Variants in LINGO1 observed in about 807,000 individuals in gnomAD.
The protein encoded by LINGO1 is leucine rich repeat and Ig domain containing 1, also known as leucine-rich repeat and immunoglobulin-like domain-containing nogo receptor-interacting protein 1.
In LINGO1, 11 loss-of-function variants were observed where a neutral mutation model predicts 37.3. That is an observed-to-expected ratio of 0.29 (90% CI 0.19 to 0.49). LINGO1 has a LOEUF of 0.49. Ranked by LOEUF, LINGO1 falls within the 20% of genes least tolerant of loss-of-function variation. The probability of loss-of-function intolerance (pLI) is 0.99; values close to 1 mark genes in which losing one functional copy is unlikely to be tolerated. For synonymous variants in LINGO1, 387 were observed against 403.0 expected, an observed-to-expected ratio of 0.96 and a Z score of 0.48; for missense variants, 585 against 878.2, an observed-to-expected ratio of 0.67 and a Z score of 4.22.
rs778621429 is a variant in LINGO1 at position 77,615,295 on chromosome 15, G to A, written c.612C>T (p.Thr204=). ...EQLTLEKCNL[T]SIPTEALSHL... The stretch of plus-strand genomic sequence containing the variant: ...GGGACAGCGCCTCGGTGGGGATGGA[G>A]GTCAGGTTGCATTTCTCCAGCGTCA... Residue 204 remains threonine, a synonymous_variant, in exon 2 of 2, where the codon ACC becomes ACT. Transcript: ENST00000355300. 5 of 1,613,340 alleles carry A rather than the reference G, an allele frequency of 3.1e-6. No individual in the cohort carries two copies. In the African/African-American group the frequency reaches 5.3e-5, roughly 17 times the overall value.
At chr15:77,679,752 T>C (rs549877493) in intron 2 of LINGO1, among the ~76,000 whole-genome samples, 2 of 152,332 alleles carry the variant, frequency 1.3e-5, no homozygotes, top group African/African-American at 4.8e-5. Context: ...TTGTAAACTC[T>C]GTATCTGGAA....
At chr15:77,754,909 G>T (rs1365764584) in intron 1 of LINGO1, among the ~76,000 whole-genome samples, 1 of 152,232 alleles carries the variant, frequency 6.6e-6, no homozygotes, top group African/African-American at 2.4e-5. Context: ...TATAAGATGG[G>T]GCCTGGTGGT....
At chr15:77,643,256 C>A (rs1039518751) in intron 3 of LINGO1, among the ~76,000 whole-genome samples, 1 of 152,198 alleles carries the variant, frequency 6.6e-6, no homozygotes, top group African/African-American at 2.4e-5. Context: ...GTGCTGGGAG[C>A]AGGACGGCTG....
At chr15:77,648,582 C>A (rs1279474212) in intron 3 of LINGO1, 1 of 152,328 alleles carries the variant, frequency 6.6e-6, no homozygotes, top group African/African-American at 2.4e-5. Flanking sequence ...CAGGACCCAG[C>A]CTGATCCTGG....
At chr15:77,757,737 G>A (rs982730863) in intron 1 of LINGO1, among the ~76,000 whole-genome samples, 41 of 152,198 alleles carry the variant, frequency 2.7e-4, no homozygotes, top group African/African-American at 8.9e-4. Flanking sequence ...AGATGGAAGA[G>A]GAGGAGGAGA....
intron 2 of LINGO1, among the ~76,000 whole-genome samples, chr15:77,792,505 C>T (rs1352552184): frequency 6.6e-6 from 1 of 152,250 alleles, no homozygotes; most frequent in Non-Finnish European, 1.5e-5. Context: ...GCTCCAAGCC[C>T]ATCCAGAGCT....
At chr15:77,775,911 G>A (rs957358455) in intron 1 of LINGO1, among the ~76,000 whole-genome samples, 5 of 152,030 alleles carry the variant, frequency 3.3e-5, no homozygotes, top group Admixed American at 6.6e-5. Flanking sequence ...TCGTTCCTCC[G>A]TCAGCATCCC....
intron 3 of LINGO1, chr15:77,646,481 C>T (rs1045507016): frequency 1.5e-4 from 70 of 455,606 alleles, no homozygotes; most frequent in African/African-American, 1.2e-3. Flanking sequence ...AAAGTAAGAG[C>T]TTCTTCCCTC....
intron 3 of LINGO1, among the ~76,000 whole-genome samples, chr15:77,674,090 G>A (rs2075292361): frequency 6.6e-6 from 1 of 151,860 alleles, no homozygotes; most frequent in South Asian, 2.1e-4. Flanking sequence ...GCTCCTCTCC[G>A]ATCTCCCCAT....
At chr15:77,814,646 C>T (rs2077033863) in intron 1 of LINGO1, among the ~76,000 whole-genome samples, 1 of 152,192 alleles carries the variant, frequency 6.6e-6, no homozygotes, top group African/African-American at 2.4e-5. Context: ...GCATGACACC[C>T]ATGAGGAAAG....
intron 1 of LINGO1, among the ~76,000 whole-genome samples, chr15:77,811,065 A>AC (rs2077001733): frequency 8.8e-6 from 1 of 114,028 alleles, no homozygotes; most frequent in Non-Finnish European, 1.8e-5. Flanking sequence ...CAAGCCCCCA[A>AC]CACCCCCCCA....
chr15:77,630,407 C>T (rs1176589102), intron 1 of LINGO1, among the ~76,000 whole-genome samples: 1 of 152,180 alleles, frequency 6.6e-6, no homozygotes, highest in Non-Finnish European at 1.5e-5. Context: ...GCAGAACAAC[C>T]ACCCACCTCC....
intron 2 of LINGO1, among the ~76,000 whole-genome samples, chr15:77,792,150 T>C (rs2076823147): frequency 6.6e-6 from 1 of 152,078 alleles, no homozygotes; most frequent in Non-Finnish European, 1.5e-5. Flanking sequence ...ATCTTGCTTC[T>C]CCCTCCAAAC....
intron 1 of LINGO1, among the ~76,000 whole-genome samples, chr15:77,809,335 G>A (rs544869658): frequency 2.0e-5 from 3 of 152,214 alleles, no homozygotes; most frequent in Non-Finnish European, 2.9e-5. Flanking sequence ...AGCGGGATCC[G>A]GGGAAGCCAG....
rs116621920 is a variant in LINGO1, at chr15:77,726,434, A to G, written c.-195+8558T>C. Among the ~76,000 whole-genome samples the G allele has an allele frequency of 7.5e-3, 1,148 of 152,372 alleles. 17 individuals are homozygous for G. The highest frequency in any genetic ancestry group is 0.026 in the African/African-American group (1,100 of 41,592). ...AGAGCAATAGGCATCATCAGGAAGA[A>G]GGAGCACAAGTCCTGTCCTCATTAG... is the stretch of plus-strand genomic sequence containing the variant. On this transcript the variant is annotated intron_variant, in intron 2 of 3. Coordinates refer to the LINGO1 transcript ENST00000561686.
Position 77,661,195 on chromosome 15 carries a change from A to G in LINGO1, c.-13+15894T>C, listed in dbSNP as rs561253421. Among the ~76,000 whole-genome samples the G allele has an allele frequency of 5.3e-5, 8 of 152,262 alleles. No individual in the cohort carries two copies. The South Asian group carries it at 1.7e-3, about 32-fold the overall frequency. On this transcript the variant is annotated intron_variant, in intron 3 of 3. Transcript: ENST00000559893. ...GGACAGTGCCTGAGCCCCCAGACCCACCCCACACCAAGAAGGCAGAGGGAC... is the reference window on the plus strand; with the variant it reads ...GGACAGTGCCTGAGCCCCCAGACCCGCCCCACACCAAGAAGGCAGAGGGAC...
chr15:77,632,269 G>T lies in LINGO1; in HGVS notation c.6+41C>A. 1.4e-6 allele frequency: 2 copies of T among 1,390,640 alleles called. No individual in the cohort carries two copies. The highest frequency in any genetic ancestry group is 3.0e-5 in the Admixed American group (1 of 33,198). The allele number at this position is 1,390,640 out of a possible 1,614,324, so 86.1% of individuals were successfully genotyped here. A position where few individuals can be genotyped will look rare whatever the true frequency, so the allele number is the denominator to read the frequency against. ...GCGGCCCCCAGGGGCACTCGCCGCG[G>T]GGCTGCCCGCTCGGGGCTCGGCCGC... On this transcript the variant is annotated intron_variant, in intron 1 of 1. Coordinates refer to ENST00000355300, the MANE Select transcript of LINGO1 (RefSeq NM_032808.7). This position sits in a 1 kb window ranked among gnomAD's most constrained non-coding sequence, Gnocchi z 6.0.
At chr15:77,810,507 G>A (rs2076997404) in intron 1 of LINGO1, among the ~76,000 whole-genome samples, 2 of 152,198 alleles carry the variant, frequency 1.3e-5, no homozygotes, top group Admixed American at 6.5e-5. Flanking sequence ...GCACTAGTGG[G>A]TCCTGAATGA....
upstream of LINGO1, chr15:77,787,385 A>G (rs60367065): frequency 0.18 from 27,669 of 152,220 alleles, 2,953 homozygotes; most frequent in Admixed American, 0.32. Flanking sequence ...GCTGAGTGTT[A>G]GGAAGTGGTC....
Sources: gnomAD v4.1 joint callset for allele counts (sites outside exome capture counted in the v4.1 genomes callset) on GRCh38, gnomAD v4.1.1 for gene constraint, Gnocchi (gnomAD v3.1) non-coding constraint, MANE v1.5 for transcripts, NCBI Gene and HGNC (gene_info 2026-07-23, HGNC 2026-07-21) for gene names.